Variants in PARD3 observed in about 807,000 individuals in gnomAD.
PARD3 encodes partitioning defective 3 homolog.
In PARD3, 75 loss-of-function variants were observed where a neutral mutation model predicts 155.4. That is an observed-to-expected ratio of 0.48 (90% CI 0.40 to 0.58). The LOEUF (loss-of-function observed/expected upper bound fraction) is 0.58, where lower values mean the gene tolerates loss of function less well. PARD3 is among the 20% of genes least tolerant of loss of function. The pLI is 0.00. For synonymous variants in PARD3, 576 were observed against 610.5 expected, an observed-to-expected ratio of 0.94 and a Z score of 0.83; for missense variants, 1,642 against 1,721.7, an observed-to-expected ratio of 0.95 and a Z score of 0.82.
intron 22 of PARD3, among the ~76,000 whole-genome samples, chr10:34,258,014 C>T (rs748163970): frequency 6.6e-6 from 1 of 152,158 alleles, no homozygotes; most frequent in Admixed American, 6.5e-5. Flanking sequence ...ACGTAATTCA[C>T]CCATGTATTA....
intron 15 of PARD3, chr10:34,343,171 T>C (rs1427243905): frequency 1.9e-5 from 5 of 260,298 alleles, no homozygotes; most frequent in Non-Finnish European, 3.0e-5. Flanking sequence ...TATAGAATTA[T>C]AAAACCAGTC....
At chr10:34,255,670 AC>A (rs2133770879) in intron 22 of PARD3, among the ~76,000 whole-genome samples, 1 of 152,324 alleles carries the variant, frequency 6.6e-6, no homozygotes, top group East Asian at 1.9e-4. Flanking sequence ...GAAATGGCAA[AC>A]TTTTTTCCTT....
chr10:34,389,103 A>G (rs914676721), intron 7 of PARD3, among the ~76,000 whole-genome samples: 2 of 152,102 alleles, frequency 1.3e-5, no homozygotes, highest in Non-Finnish European at 2.9e-5. Flanking sequence ...CTAGTCTCCT[A>G]TATTTTCTTC....
At chr10:34,723,577 CTGTT>C (rs141777036) in intron 1 of PARD3, among the ~76,000 whole-genome samples, 1,718 of 152,296 alleles carry the variant, frequency 0.011, 16 homozygotes, top group Non-Finnish European at 0.015. Context: ...ATTTCAAACT[CTGTT>C]TGAAAAACCA....
At chr10:34,677,409 G>C (rs1223933757) in intron 2 of PARD3, among the ~76,000 whole-genome samples, 1 of 151,394 alleles carries the variant, frequency 6.6e-6, no homozygotes, top group African/African-American at 2.4e-5. Flanking sequence ...CAGCCCAGGA[G>C]ATTGAGACTA....
intron 2 of PARD3, among the ~76,000 whole-genome samples, chr10:34,689,668 A>T (rs911981019): frequency 6.6e-6 from 1 of 152,354 alleles, no homozygotes; most frequent in South Asian, 2.1e-4. Flanking sequence ...AGGAAATATG[A>T]TAAAAGATTC....
At chr10:34,313,883 A>G (rs554058586) in intron 20 of PARD3, among the ~76,000 whole-genome samples, 3 of 152,300 alleles carry the variant, frequency 2.0e-5, no homozygotes, top group East Asian at 3.9e-4. Context: ...ATGTGCTGCT[A>G]TATTTACCTA....
chr10:34,258,282 G>A (rs1726908763), intron 22 of PARD3, among the ~76,000 whole-genome samples: 1 of 152,168 alleles, frequency 6.6e-6, no homozygotes, highest in African/African-American at 2.4e-5. Flanking sequence ...ACTGGAGATG[G>A]GAGAGGGGTC....
chr10:34,297,952 T>G (rs1446011235), intron 20 of PARD3, among the ~76,000 whole-genome samples: 1 of 152,248 alleles, frequency 6.6e-6, no homozygotes, highest in African/African-American at 2.4e-5. Context: ...GTTAAGAGCA[T>G]GGCCTCTGGA....
At chr10:34,488,491 T>C (rs1274266932) in intron 3 of PARD3, 1 of 151,710 alleles carries the variant, frequency 6.6e-6, no homozygotes, top group Non-Finnish European at 1.5e-5. Context: ...ATCTTCATGG[T>C]ACTAAAACCC....
chr10:34,477,597 A>C (rs2133159100), intron 3 of PARD3, among the ~76,000 whole-genome samples: 1 of 152,350 alleles, frequency 6.6e-6, no homozygotes, highest in South Asian at 2.1e-4. Context: ...TATGAATTAG[A>C]GCAAATACCA....
At position 34,779,852 on chromosome 10, in the gene PARD3, G is replaced by C. The variant is rs186951714; in HGVS notation, c.120+35024C>G. 3.0e-4 allele frequency among the ~76,000 whole-genome samples: 46 copies of C among 152,286 alleles called. No homozygotes were observed. The East Asian group carries it at 7.5e-3, about 25-fold the overall frequency. On this transcript the variant is annotated intron_variant, in intron 1 of 24. Coordinates refer to ENST00000374788, the MANE Select transcript of PARD3 (RefSeq NM_001184785.2). ...AGACATCCAACGTGGCACTTTCAAG[G>C]AGACGTGTCCATTTCAAAGTCCTAT... is the stretch of plus-strand genomic sequence containing the variant.
intron 4 of PARD3, among the ~76,000 whole-genome samples, chr10:34,459,626 G>A (rs1022059666): frequency 4.6e-5 from 7 of 152,114 alleles, no homozygotes; most frequent in Non-Finnish European, 1.0e-4. Flanking sequence ...AATACTTATA[G>A]TGGTTGCCTA....
intron 22 of PARD3, among the ~76,000 whole-genome samples, chr10:34,246,158 A>C (rs928450531): frequency 9.2e-5 from 14 of 152,228 alleles, no homozygotes; most frequent in African/African-American, 3.4e-4. Flanking sequence ...AGAGGGGCTG[A>C]AGCCCATTTT....
chr10:34,500,581 A>C (rs2080622175), intron 3 of PARD3, among the ~76,000 whole-genome samples: 1 of 152,078 alleles, frequency 6.6e-6, no homozygotes, highest in African/African-American at 2.4e-5. Flanking sequence ...ATCTCTACAA[A>C]AATACAAAAA....
intron 2 of PARD3, among the ~76,000 whole-genome samples, chr10:34,683,394 A>C (rs1037944154): frequency 2.6e-5 from 4 of 151,832 alleles, no homozygotes; most frequent in Admixed American, 2.6e-4. Context: ...TGAAATTTAA[A>C]ACAAACAAAC....
intron 5 of PARD3, among the ~76,000 whole-genome samples, chr10:34,404,686 C>T (rs968054982): frequency 3.3e-5 from 5 of 151,890 alleles, no homozygotes; most frequent in Non-Finnish European, 4.4e-5. Context: ...TTAAACAGAC[C>T]TGGGCGTGAA....
At chr10:34,176,041 A>G (rs613367) in intron 22 of PARD3, among the ~76,000 whole-genome samples, 33,881 of 152,048 alleles carry the variant, frequency 0.22, 4,868 homozygotes, top group Non-Finnish European at 0.3. Flanking sequence ...TTTAGCAAAT[A>G]TGTTTCTCTA....
intron 15 of PARD3, chr10:34,344,806 G>A (rs890796145): frequency 1.0e-6 from 1 of 985,236 alleles, no homozygotes; most frequent in African/African-American, 1.7e-5. Context: ...CAAAAGCTAA[G>A]GAAATCCTAA....
Sources: allele counts gnomAD v4.1 joint callset (sites outside exome capture counted in the v4.1 genomes callset), GRCh38; gene constraint gnomAD v4.1.1; transcripts MANE v1.5; gene names NCBI Gene and HGNC (gene_info 2026-07-23, HGNC 2026-07-21).